The following CSMD1 variants were observed in gnomAD, a reference collection of about 807,000 sequenced individuals.
CSMD1 encodes the protein CUB and sushi domain-containing protein 1.
CSMD1 carries 213 observed loss-of-function variants against 417.5 expected under a neutral mutation model. The observed-to-expected ratio is 0.51, with a 90% CI of 0.46 to 0.57. CSMD1 has a LOEUF of 0.57. CSMD1 is among the 20% of genes least tolerant of loss of function. CSMD1 has a pLI of 0.00. For synonymous variants in CSMD1, 2,862 were observed against 1,736.8 expected, an observed-to-expected ratio of 1.65 and a Z score of -16.11; for missense variants, 6,923 against 4,529.7, an observed-to-expected ratio of 1.53 and a Z score of -15.17.
intron 2 of CSMD1, among the ~76,000 whole-genome samples, chr8:4,484,543 C>CAAA (rs1418739883): frequency 6.6e-6 from 1 of 152,088 alleles, no homozygotes; most frequent in African/African-American, 2.4e-5. Context: ...ACCCCACACT[C>CAAA]AGAGTCATAC....
chr8:4,858,586 T>C (rs1015772675), intron 1 of CSMD1, among the ~76,000 whole-genome samples: 3 of 152,184 alleles, frequency 2.0e-5, no homozygotes, highest in Admixed American at 1.3e-4. Flanking sequence ...GCAAAATCAA[T>C]GTTCAAAAAT....
At chr8:4,091,631 A>G (rs1422439799) in intron 3 of CSMD1, among the ~76,000 whole-genome samples, 3 of 152,318 alleles carry the variant, frequency 2.0e-5, no homozygotes, top group South Asian at 2.1e-4. Flanking sequence ...AACAATTCCA[A>G]TAAAGAGCCC....
intron 2 of CSMD1, among the ~76,000 whole-genome samples, chr8:4,515,219 C>A (rs1441936304): frequency 6.6e-6 from 1 of 152,160 alleles, no homozygotes; most frequent in East Asian, 1.9e-4. Context: ...TTTAATGAGT[C>A]TCTATTACGC....
At chr8:4,182,056 G>C (rs1325170864) in intron 3 of CSMD1, among the ~76,000 whole-genome samples, 1 of 151,782 alleles carries the variant, frequency 6.6e-6, no homozygotes, top group Non-Finnish European at 1.5e-5. Flanking sequence ...GTGTGTGTGT[G>C]TGTGTATACC....
At chr8:3,820,914 T>C (rs941729739) in intron 5 of CSMD1, among the ~76,000 whole-genome samples, 2 of 152,036 alleles carry the variant, frequency 1.3e-5, no homozygotes, top group African/African-American at 4.8e-5. Context: ...GAGGGTGTTC[T>C]ATCTTTTTTT....
intron 10 of CSMD1, among the ~76,000 whole-genome samples, chr8:3,530,669 T>C (rs1219723793): frequency 6.6e-6 from 1 of 151,652 alleles, no homozygotes; most frequent in African/African-American, 2.4e-5. Context: ...TTACAAGTAT[T>C]ACAGGCACCC....
intron 2 of CSMD1, among the ~76,000 whole-genome samples, 196 bp downstream of exon 2, chr8:4,637,146 T>C (rs949119485): frequency 6.6e-6 from 1 of 152,150 alleles, no homozygotes; most frequent in African/African-American, 2.4e-5. Context: ...ACTAACTCTT[T>C]GTTTCCCTGC....
At position 4,058,930 on chromosome 8, in the gene CSMD1, C is replaced by T. The variant is rs577497673; in HGVS notation, c.416-26831G>A. ...TACCCAGGAATTGAACTCAGCTCTGCACCAAGCGGGCCTAACAGACATCTA... is the reference window on the plus strand; with the variant it reads ...TACCCAGGAATTGAACTCAGCTCTGTACCAAGCGGGCCTAACAGACATCTA... On this transcript the variant is annotated intron_variant, in intron 3 of 69. Coordinates refer to ENST00000635120, the MANE Select transcript of CSMD1 (RefSeq NM_033225.6). 5.7e-4 allele frequency among the ~76,000 whole-genome samples: 86 copies of T among 152,140 alleles called. 1 individual carries two copies. The Middle Eastern group carries it at 0.01, about 18-fold the overall frequency.
intron 5 of CSMD1, among the ~76,000 whole-genome samples, chr8:3,773,370 A>C (rs1270829686): frequency 6.6e-6 from 1 of 152,078 alleles, no homozygotes; most frequent in Non-Finnish European, 1.5e-5. Flanking sequence ...TGTAGCCTCG[A>C]CTACAGTGAA....
At chr8:4,202,703 T>C (rs1247198184) in intron 3 of CSMD1, among the ~76,000 whole-genome samples, 1 of 152,202 alleles carries the variant, frequency 6.6e-6, no homozygotes, top group African/African-American at 2.4e-5. Flanking sequence ...AGAACCACAC[T>C]AATCAAACAA....
chr8:3,509,577 G>T (rs970240527), intron 10 of CSMD1, among the ~76,000 whole-genome samples: 1 of 152,044 alleles, frequency 6.6e-6, no homozygotes, highest in East Asian at 1.9e-4. Context: ...TTCTATAACT[G>T]TTTCTATGTT....
intron 1 of CSMD1, among the ~76,000 whole-genome samples, chr8:4,858,636 G>C (rs2116863684): frequency 6.6e-6 from 1 of 151,998 alleles, no homozygotes; most frequent in Middle Eastern, 3.4e-3. Flanking sequence ...CAAACAGAGA[G>C]CCAAATCACG....
At chr8:3,640,484 C>G (rs980220009) in intron 7 of CSMD1, among the ~76,000 whole-genome samples, 15 of 152,156 alleles carry the variant, frequency 9.9e-5, no homozygotes, top group African/African-American at 3.6e-4. Flanking sequence ...TCAGTTTTGT[C>G]TAATCAGTTA....
At chr8:3,447,107 G>C (rs190563693) in intron 12 of CSMD1, among the ~76,000 whole-genome samples, 2 of 152,192 alleles carry the variant, frequency 1.3e-5, no homozygotes, top group African/African-American at 4.8e-5. Flanking sequence ...ATTAATAAAA[G>C]GATTAAGAAA....
intron 2 of CSMD1, among the ~76,000 whole-genome samples, chr8:4,482,343 G>C (rs930105338): frequency 6.6e-6 from 1 of 152,096 alleles, no homozygotes; most frequent in Admixed American, 6.6e-5. Flanking sequence ...AGAACATGCG[G>C]TATTCGGTTT....
intron 1 of CSMD1, among the ~76,000 whole-genome samples, chr8:4,790,299 G>A (rs924550374): frequency 6.6e-6 from 1 of 152,012 alleles, no homozygotes; most frequent in Non-Finnish European, 1.5e-5. Flanking sequence ...TCTACCACGA[G>A]AATTACAAAA....
intron 5 of CSMD1, among the ~76,000 whole-genome samples, chr8:3,828,349 A>C (rs1307149790): frequency 1.3e-5 from 2 of 152,204 alleles, no homozygotes; most frequent in Admixed American, 6.5e-5. Flanking sequence ...ATAATTAAGA[A>C]TCTGTTAGGA....
chr8:3,410,272 C>T (rs58454178), intron 12 of CSMD1, among the ~76,000 whole-genome samples: 14,725 of 152,168 alleles, frequency 0.097, 890 homozygotes, highest in East Asian at 0.26. Flanking sequence ...ATTTAAAAGA[C>T]TATTTTTGAG....
At chr8:3,937,170 ACTC>A (rs1247143316) in intron 5 of CSMD1, among the ~76,000 whole-genome samples, 2 of 152,220 alleles carry the variant, frequency 1.3e-5, no homozygotes, top group African/African-American at 4.8e-5. Context: ...GATGAAATCT[ACTC>A]CTGGTGAAGA....
Sources: allele counts gnomAD v4.1 joint callset (sites outside exome capture counted in the v4.1 genomes callset), GRCh38; gene constraint gnomAD v4.1.1; transcripts MANE v1.5; gene names NCBI Gene and HGNC (gene_info 2026-07-23, HGNC 2026-07-21).